Variants in MDGA2 observed in about 807,000 individuals in gnomAD.
MDGA2 encodes MAM domain containing glycosylphosphatidylinositol anchor 2, also known as MAM domain-containing glycosylphosphatidylinositol anchor protein 2.
A neutral mutation model predicts 117.8 loss-of-function variants in MDGA2; 40 were observed. That is an observed-to-expected ratio of 0.34 (90% CI 0.26 to 0.44). The LOEUF is 0.44. Ranked by LOEUF, MDGA2 falls within the 20% of genes least tolerant of loss-of-function variation. The pLI, the probability that MDGA2 is intolerant of heterozygous loss-of-function variation, is 1.00. For missense variants in MDGA2, 1,123 were observed against 1,250.6 expected (o/e 0.90, Z 1.54); for synonymous variants, 452 against 439.0 (o/e 1.03, Z -0.37).
At chr14:47,328,046 G>C (rs1052634876) in intron 1 of MDGA2, among the ~76,000 whole-genome samples, 2 of 152,112 alleles carry the variant, frequency 1.3e-5, no homozygotes, top group Admixed American at 1.3e-4. Flanking sequence ...ATTACACATT[G>C]TGTTTGTGAG....
intron 6 of MDGA2, among the ~76,000 whole-genome samples, chr14:47,077,865 ACTTCT>A (rs1890553625): frequency 6.6e-6 from 1 of 152,090 alleles, no homozygotes; most frequent in South Asian, 2.1e-4. Context: ...GAGAAGTACA[ACTTCT>A]CTTTTATGGT....
At chr14:46,956,605 T>C (rs1248941495) in intron 9 of MDGA2, among the ~76,000 whole-genome samples, 6 of 150,568 alleles carry the variant, frequency 4.0e-5, no homozygotes, top group Non-Finnish European at 7.4e-5. Flanking sequence ...ATTCTGGTAA[T>C]AAGAAAACCA....
At chr14:47,484,265 A>T (rs1894013340) in intron 1 of MDGA2, among the ~76,000 whole-genome samples, 1 of 152,146 alleles carries the variant, frequency 6.6e-6, no homozygotes, top group Middle Eastern at 3.2e-3. Context: ...ATATGTAGGA[A>T]TTACTTCCAC....
At chr14:47,095,498 T>A (rs575858622) in intron 6 of MDGA2, among the ~76,000 whole-genome samples, 26 of 151,938 alleles carry the variant, frequency 1.7e-4, no homozygotes, top group East Asian at 3.9e-4. Context: ...TGACATATTT[T>A]AAAAAAAATC....
At chr14:47,402,781 A>AACACAC (rs374721868) in intron 1 of MDGA2, among the ~76,000 whole-genome samples, 3 of 151,750 alleles carry the variant, frequency 2.0e-5, no homozygotes, top group African/African-American at 7.3e-5. Context: ...GGAACACACA[A>AACACAC]ACACACACAC....
At chr14:47,350,577 G>A (rs186364810) in intron 1 of MDGA2, among the ~76,000 whole-genome samples, 165 of 140,030 alleles carry the variant, frequency 1.2e-3, no homozygotes, top group Admixed American at 2.1e-3. Context: ...GTGCACGCGT[G>A]TGTGTGTGTG....
intron 6 of MDGA2, among the ~76,000 whole-genome samples, chr14:47,063,694 C>T (rs1285849161): frequency 6.6e-6 from 1 of 151,828 alleles, no homozygotes; most frequent in Non-Finnish European, 1.5e-5. Flanking sequence ...TTTCTTTATC[C>T]TGTTTTTAAA....
chr14:47,246,961 C>A lies in MDGA2; in HGVS notation c.421-28766G>T, dbSNP rs532418077. On this transcript the variant is annotated intron_variant, in intron 2 of 16. Coordinates refer to ENST00000399232, the MANE Select transcript of MDGA2 (RefSeq NM_001113498.3). ...ATCTATCCGATGCCTATGGCCAAAG[C>A]AAGAAGTTACTGCTATATTGTGCGA... Among the ~76,000 whole-genome samples the A allele has an allele frequency of 2.4e-4, 37 of 151,796 alleles. 2 individuals carry two copies. The South Asian group carries it at 7.3e-3, about 30-fold the overall frequency.
chr14:47,036,200 G>A (rs946817649), intron 7 of MDGA2, among the ~76,000 whole-genome samples: 2 of 149,956 alleles, frequency 1.3e-5, no homozygotes, highest in East Asian at 2.0e-4. Context: ...AACCCGGGAG[G>A]CGGAGCTTGC....
At chr14:47,520,597 A>C (rs148045336) in intron 1 of MDGA2, among the ~76,000 whole-genome samples, 13 of 152,352 alleles carry the variant, frequency 8.5e-5, no homozygotes, top group African/African-American at 2.9e-4. Context: ...GTGTAGTCAG[A>C]AAACAGATAC....
intron 2 of MDGA2, among the ~76,000 whole-genome samples, chr14:47,256,595 C>T (rs1384642062): frequency 6.6e-6 from 1 of 152,108 alleles, no homozygotes; most frequent in African/African-American, 2.4e-5. Flanking sequence ...AACAAAATGT[C>T]ATTTCTCTGG....
At chr14:47,451,356 T>C (rs1187254672) in intron 1 of MDGA2, among the ~76,000 whole-genome samples, 2 of 135,182 alleles carry the variant, frequency 1.5e-5, no homozygotes, top group Non-Finnish European at 3.2e-5. Flanking sequence ...GAAAAGAATG[T>C]TTTGATTTTT....
intron 1 of MDGA2, among the ~76,000 whole-genome samples, chr14:47,439,837 G>GTGTA: frequency 6.6e-6 from 1 of 151,542 alleles, no homozygotes; most frequent in Non-Finnish European, 1.5e-5. Flanking sequence ...GTGTGTGTGT[G>GTGTA]TATGGGTGTG....
At chr14:47,628,723 G>A (rs1481633313) in intron 1 of MDGA2, among the ~76,000 whole-genome samples, 1 of 152,218 alleles carries the variant, frequency 6.6e-6, no homozygotes, top group Non-Finnish European at 1.5e-5. Context: ...CGGATACTAT[G>A]ATGCACCAGC....
chr14:47,308,203 A>G (rs1304224969), intron 1 of MDGA2, among the ~76,000 whole-genome samples: 1 of 152,170 alleles, frequency 6.6e-6, no homozygotes, highest in Non-Finnish European at 1.5e-5. Context: ...AAAAGATCTC[A>G]GTAGGTCAAA....
chr14:46,920,870 C>T lies in MDGA2; in HGVS notation c.2090-710G>A, dbSNP rs554641709. On this transcript the variant is annotated intron_variant, in intron 9 of 16. Coordinates refer to ENST00000399232, the MANE Select transcript of MDGA2 (RefSeq NM_001113498.3). ...CTGCAGCTTTCATCAATAAAGTGAA[C>T]TTAATAAAACTTAAAACAATTAATT... Among the ~76,000 whole-genome samples, 6 of 152,228 alleles carry T rather than the reference C, an allele frequency of 3.9e-5. No individual in the cohort carries two copies. The South Asian group carries it at 1.2e-3, about 32-fold the overall frequency.
At chr14:46,951,756 A>T (rs545697884) in intron 9 of MDGA2, among the ~76,000 whole-genome samples, 15 of 151,976 alleles carry the variant, frequency 9.9e-5, no homozygotes, top group Non-Finnish European at 1.9e-4. Flanking sequence ...CCCAACCAAC[A>T]GTCTGACTGC....
chr14:47,259,724 G>A (rs979807461), intron 2 of MDGA2, among the ~76,000 whole-genome samples: 1 of 152,004 alleles, frequency 6.6e-6, no homozygotes, highest in Non-Finnish European at 1.5e-5. Flanking sequence ...TAGAAAATAA[G>A]GGCTCAATGA....
intron 2 of MDGA2, among the ~76,000 whole-genome samples, chr14:47,221,094 A>T (rs1886282394): frequency 6.6e-6 from 1 of 152,136 alleles, no homozygotes; most frequent in South Asian, 2.1e-4. Context: ...GGGTTAGTAT[A>T]CAATTTAAAT....
Sources: gnomAD v4.1 joint callset for allele counts (sites outside exome capture counted in the v4.1 genomes callset) on GRCh38, gnomAD v4.1.1 for gene constraint, MANE v1.5 for transcripts, NCBI Gene and HGNC (gene_info 2026-07-23, HGNC 2026-07-21) for gene names.